Variants in FMNL2 observed in about 807,000 individuals in gnomAD.
The protein encoded by FMNL2 is formin like 2, also known as formin-like protein 2.
A neutral mutation model predicts 130.2 loss-of-function variants in FMNL2; 51 were observed. That is an observed-to-expected ratio of 0.39 (90% CI 0.31 to 0.49). The LOEUF (loss-of-function observed/expected upper bound fraction) is 0.49, where lower values mean the gene tolerates loss of function less well. Ranked by LOEUF, FMNL2 falls within the 20% of genes least tolerant of loss-of-function variation. The probability of loss-of-function intolerance (pLI) is 0.85; values close to 1 mark genes in which losing one functional copy is unlikely to be tolerated. For missense variants in FMNL2, 977 were observed against 1,316.2 expected, an observed-to-expected ratio of 0.74 and a Z score of 3.99; for synonymous variants, 465 against 467.1, an observed-to-expected ratio of 1.00 and a Z score of 0.06.
At chr2:152,579,153 G>A (rs1221019924) in intron 8 of FMNL2, among the ~76,000 whole-genome samples, 189 bp downstream of exon 8, 1 of 152,170 alleles carries the variant, frequency 6.6e-6, no homozygotes, top group African/African-American at 2.4e-5. Context: ...GGCCAGAGTT[G>A]AGCAACTGGT....
In FMNL2 at chr2:152,570,601, C is replaced by A. The variant is rs536623816; in HGVS notation, c.597-4535C>A. Among the ~76,000 whole-genome samples, 103 of 152,254 alleles carry A rather than the reference C, an allele frequency of 6.8e-4. 1 individual carries two copies. The South Asian group carries it at 0.021, about 31-fold the overall frequency. ...ATTTAGATAATCAGCCTCAGTGGTC[C>A]AGGAATTGGGTCACAACTTCTCCAT... On this transcript the variant is annotated intron_variant, in intron 6 of 25. Coordinates refer to ENST00000288670, the MANE Select transcript of FMNL2 (RefSeq NM_052905.4).
chr2:152,636,198 A>G (rs961576173), intron 21 of FMNL2, among the ~76,000 whole-genome samples: 2 of 152,234 alleles, frequency 1.3e-5, no homozygotes, highest in Non-Finnish European at 2.9e-5. Context: ...GCTTTTGCTC[A>G]TTGACAAAAT....
At chr2:152,581,253 C>CTTT (rs1320682887) in intron 9 of FMNL2, among the ~76,000 whole-genome samples, 1 of 152,046 alleles carries the variant, frequency 6.6e-6, no homozygotes, top group African/African-American at 2.4e-5. Flanking sequence ...TCACAGTACT[C>CTTT]TTTTTTTGTT....
chr2:152,427,050 C>G (rs1687235401), intron 1 of FMNL2, among the ~76,000 whole-genome samples: 1 of 152,284 alleles, frequency 6.6e-6, no homozygotes, highest in Non-Finnish European at 1.5e-5. Flanking sequence ...CTTCCAACTC[C>G]TCGTAGGAGA....
intron 1 of FMNL2, among the ~76,000 whole-genome samples, chr2:152,496,707 T>C (rs1258478786): frequency 6.6e-6 from 1 of 152,230 alleles, no homozygotes; most frequent in African/African-American, 2.4e-5. Flanking sequence ...TTCAGTTATT[T>C]ATATCTGTAT....
At chr2:152,379,019 G>A (rs575713110) in intron 1 of FMNL2, among the ~76,000 whole-genome samples, 1 of 143,946 alleles carries the variant, frequency 6.9e-6, no homozygotes, top group Non-Finnish European at 1.5e-5. Context: ...AAAAGCCAGG[G>A]CAGAGGAAGG....
chr2:152,558,758 G>A lies in FMNL2; in HGVS notation c.378G>A (p.Leu126=). The change falls in exon 5 of 26, where the codon CTG becomes CTA. Residue 126 remains leucine, a synonymous_variant. Transcript: ENST00000288670. ...CCAACAGATGGGTCAGAGAATTTCT[G>A]AATGAAGAAAACAAAGGTCTTGATG... ...TNHIGWVREF[L]NEENKGLDVL... is the part of the protein sequence containing the mutation. The A allele has an allele frequency of 1.2e-6, 2 of 1,610,654 alleles. No individual in the cohort carries two copies. Among genetic ancestry groups the A allele is most frequent in the Non-Finnish European group, 1.7e-6 (2 of 1,178,978 alleles).
chr2:152,574,962 C>T (rs1644636009), intron 6 of FMNL2, among the ~76,000 whole-genome samples, 174 bp from the exon 7 acceptor site: 2 of 152,058 alleles, frequency 1.3e-5, no homozygotes, highest in Non-Finnish European at 2.9e-5. Flanking sequence ...CAAAGTGACA[C>T]ATTATAAAGC....
intron 1 of FMNL2, among the ~76,000 whole-genome samples, chr2:152,422,117 A>G (rs1428084467): frequency 6.6e-6 from 1 of 152,156 alleles, no homozygotes; most frequent in Non-Finnish European, 1.5e-5. Flanking sequence ...GCTGCCTCCC[A>G]TGTTTAGGGG....
intron 15 of FMNL2, 132 bp from the exon 16 acceptor site, chr2:152,625,306 A>C: frequency 5.6e-6 from 6 of 1,078,054 alleles, no homozygotes; most frequent in Non-Finnish European, 7.7e-6. Flanking sequence ...CAGCTTTAAA[A>C]ACCTACTTGC....
intron 2 of FMNL2, among the ~76,000 whole-genome samples, chr2:152,537,003 T>A (rs1315938076): frequency 6.6e-6 from 1 of 152,164 alleles, no homozygotes; most frequent in African/African-American, 2.4e-5. Flanking sequence ...ATGTCCAAAT[T>A]TCAAACCTTT....
intron 1 of FMNL2, among the ~76,000 whole-genome samples, chr2:152,458,371 T>C (rs1416839668): frequency 6.6e-6 from 1 of 152,214 alleles, no homozygotes; most frequent in Non-Finnish European, 1.5e-5. Context: ...ATAACTCTGT[T>C]CTGGTTGGAT....
intron 1 of FMNL2, among the ~76,000 whole-genome samples, chr2:152,435,128 G>T (rs1386037019): frequency 6.6e-6 from 1 of 152,002 alleles, no homozygotes; most frequent in Admixed American, 6.6e-5. Context: ...TAAATTTTTT[G>T]ACTCAGATAC....
intron 1 of FMNL2, among the ~76,000 whole-genome samples, chr2:152,439,094 TG>T (rs1687923393): frequency 1.3e-5 from 2 of 151,814 alleles, no homozygotes; most frequent in Admixed American, 1.3e-4. Flanking sequence ...TGTGTGTGTG[TG>T]TGTGTGTGTG....
At chr2:152,565,455 G>T (rs1050095021) in intron 6 of FMNL2, among the ~76,000 whole-genome samples, 6 of 152,162 alleles carry the variant, frequency 3.9e-5, no homozygotes, top group Non-Finnish European at 7.4e-5. Flanking sequence ...CTTTGTGATG[G>T]AGGTGGAGAG....
At chr2:152,360,898 A>G (rs1683128629) in intron 1 of FMNL2, among the ~76,000 whole-genome samples, 1 of 152,206 alleles carries the variant, frequency 6.6e-6, no homozygotes, top group Admixed American at 6.5e-5. Flanking sequence ...CTCACACTGA[A>G]GAAAGGGTTT....
chr2:152,515,077 C>G (rs1409996275), intron 1 of FMNL2, among the ~76,000 whole-genome samples: 1 of 152,036 alleles, frequency 6.6e-6, no homozygotes, highest in African/African-American at 2.4e-5. Context: ...TGATTGCAGC[C>G]CAGGTGGCCC....
chr2:152,472,074 G>A (rs1689890413), intron 1 of FMNL2, among the ~76,000 whole-genome samples: 1 of 152,192 alleles, frequency 6.6e-6, no homozygotes, highest in African/African-American at 2.4e-5. Flanking sequence ...TGGCATAACA[G>A]AAGTGTTCTT....
At chr2:152,396,685 A>G (rs1685413152) in intron 1 of FMNL2, among the ~76,000 whole-genome samples, 1 of 151,704 alleles carries the variant, frequency 6.6e-6, no homozygotes, top group South Asian at 2.1e-4. Flanking sequence ...TCAGGCTTTA[A>G]CTCTCCCCTC....
Sources: allele counts gnomAD v4.1 joint callset (sites outside exome capture counted in the v4.1 genomes callset), GRCh38; gene constraint gnomAD v4.1.1; transcripts MANE v1.5; gene names NCBI Gene and HGNC (gene_info 2026-07-23, HGNC 2026-07-21).